The following FRMD5 variants were observed in gnomAD, a reference collection of about 807,000 sequenced individuals.
FRMD5 encodes FERM domain-containing protein 5.
FRMD5 carries 20 observed loss-of-function variants against 69.0 expected under a neutral mutation model. The observed-to-expected ratio is 0.29, with a 90% CI of 0.20 to 0.42. The LOEUF (loss-of-function observed/expected upper bound fraction) is 0.42. Among genes scored for constraint, FRMD5 ranks in the 10% least tolerant of loss-of-function variants. The pLI, the probability that FRMD5 is intolerant of heterozygous loss-of-function variation, is 1.00. For missense variants in FRMD5, 595 were observed against 708.6 expected (o/e 0.84, Z 1.82); for synonymous variants, 271 against 260.1 (o/e 1.04, Z -0.40).
chr15:43,919,294 G>A (rs539279471), intron 4 of FRMD5, 165 bp downstream of exon 4: 2 of 781,720 alleles, frequency 2.6e-6, no homozygotes, highest in South Asian at 1.4e-5. Flanking sequence ...AGGGGTACGC[G>A]AAGAAAGCAT....
intron 11 of FRMD5, chr15:43,885,125 TGTTATA>T (rs1246684310): frequency 2.6e-5 from 7 of 268,122 alleles, no homozygotes; most frequent in African/African-American, 1.5e-4. Flanking sequence ...CATGAATCAC[TGTTATA>T]GTTCTTATTT....
chr15:43,957,041 TA>T (rs2090126339), intron 1 of FRMD5, among the ~76,000 whole-genome samples: 1 of 152,206 alleles, frequency 6.6e-6, no homozygotes, highest in Non-Finnish European at 1.5e-5. Flanking sequence ...ATCATCCCTT[TA>T]AAAAACTGAT....
chr15:44,017,802 G>C (rs1891037605), intron 1 of FRMD5, among the ~76,000 whole-genome samples: 1 of 151,670 alleles, frequency 6.6e-6, no homozygotes, highest in African/African-American at 2.4e-5. Flanking sequence ...GTAGAAACAG[G>C]GTTTCACCAT....
At chr15:44,011,635 A>G (rs976373974) in intron 1 of FRMD5, among the ~76,000 whole-genome samples, 4 of 152,214 alleles carry the variant, frequency 2.6e-5, no homozygotes, top group African/African-American at 9.6e-5. Flanking sequence ...ATGCCATGAA[A>G]GTGGATGAGA....
chr15:44,081,445 T>C (rs1389718677), intron 1 of FRMD5, among the ~76,000 whole-genome samples: 1 of 152,090 alleles, frequency 6.6e-6, no homozygotes. Flanking sequence ...GGATCAACTA[T>C]TTCAGGAAAC....
chr15:44,012,324 A>G (rs1483333618), intron 1 of FRMD5, among the ~76,000 whole-genome samples: 1 of 152,202 alleles, frequency 6.6e-6, no homozygotes, highest in African/African-American at 2.4e-5. Flanking sequence ...AAACTTTTCT[A>G]AACACTCTGC....
intron 1 of FRMD5, among the ~76,000 whole-genome samples, chr15:44,034,518 A>T (rs983819922): frequency 7.2e-5 from 11 of 152,242 alleles, no homozygotes; most frequent in African/African-American, 2.7e-4. Flanking sequence ...CTTCTGCATC[A>T]GTAAATTTTG....
chr15:44,021,889 A>G (rs1891223879), intron 1 of FRMD5, among the ~76,000 whole-genome samples: 1 of 152,256 alleles, frequency 6.6e-6, no homozygotes, highest in Admixed American at 6.5e-5. Context: ...AGGTGGAAAC[A>G]ACCCAAATAT....
chr15:43,971,856 G>A (rs944728643), intron 1 of FRMD5, among the ~76,000 whole-genome samples: 7 of 148,014 alleles, frequency 4.7e-5, no homozygotes, highest in Non-Finnish European at 6.0e-5. Flanking sequence ...ACAGGCGCCC[G>A]CCACCACGCC....
At chr15:44,055,349 T>C (rs1892828708) in intron 1 of FRMD5, among the ~76,000 whole-genome samples, 1 of 152,164 alleles carries the variant, frequency 6.6e-6, no homozygotes, top group Admixed American at 6.5e-5. Context: ...AGAAAAACAC[T>C]GGAGTCTTTT....
chr15:43,959,721 T>G (rs2090167106), intron 1 of FRMD5, among the ~76,000 whole-genome samples: 1 of 152,206 alleles, frequency 6.6e-6, no homozygotes, highest in Non-Finnish European at 1.5e-5. Flanking sequence ...CCACTGACAA[T>G]ATTTTTTGTG....
At chr15:44,061,634 GTTTGACA>G (rs1204972709) in intron 1 of FRMD5, among the ~76,000 whole-genome samples, 3 of 152,186 alleles carry the variant, frequency 2.0e-5, no homozygotes, top group Non-Finnish European at 2.9e-5. Flanking sequence ...AGTCCATAAA[GTTTGACA>G]TTTGACATTT....
chr15:44,140,459 T>C (rs976109359), intron 1 of FRMD5, among the ~76,000 whole-genome samples: 1 of 152,018 alleles, frequency 6.6e-6, no homozygotes, highest in African/African-American at 2.4e-5. Context: ...TACCACCACT[T>C]CTAAACAACA....
intron 13 of FRMD5, chr15:43,876,283 G>C: frequency 7.7e-7 from 1 of 1,300,698 alleles, no homozygotes; most frequent in Non-Finnish European, 1.1e-6. Context: ...TCTGGGCCTG[G>C]TTTTTACCCC....
At chr15:43,985,535 A>C (rs983834850) in intron 1 of FRMD5, among the ~76,000 whole-genome samples, 1 of 152,142 alleles carries the variant, frequency 6.6e-6, no homozygotes, top group African/African-American at 2.4e-5. Flanking sequence ...TGGCTATAAT[A>C]TGGAGAACAT....
chr15:44,187,760 G>C (rs1053953187), intron 1 of FRMD5, among the ~76,000 whole-genome samples: 3 of 152,038 alleles, frequency 2.0e-5, no homozygotes, highest in Admixed American at 2.0e-4. Flanking sequence ...GTAGAGACAA[G>C]GTCTTGCTAT....
At chr15:44,011,473 G>A (rs889763260) in intron 1 of FRMD5, among the ~76,000 whole-genome samples, 19 of 152,184 alleles carry the variant, frequency 1.2e-4, no homozygotes, top group Admixed American at 1.0e-3. Context: ...AGAAATAGAA[G>A]AAGGTCGGAC....
At chr15:43,948,671 A>G (rs1270821330) in intron 1 of FRMD5, among the ~76,000 whole-genome samples, 4 of 152,218 alleles carry the variant, frequency 2.6e-5, no homozygotes, top group Admixed American at 2.0e-4. Context: ...CTCACTCTAT[A>G]TAAGATACCT....
chr15:44,067,079 A>G (rs1893341526), intron 1 of FRMD5, among the ~76,000 whole-genome samples: 2 of 152,150 alleles, frequency 1.3e-5, no homozygotes, highest in African/African-American at 4.8e-5. Context: ...TTTGAAAAGG[A>G]AAATTCCCGT....
Sources: gnomAD v4.1 joint callset for allele counts (sites outside exome capture counted in the v4.1 genomes callset) on GRCh38, gnomAD v4.1.1 for gene constraint, MANE v1.5 for transcripts, NCBI Gene and HGNC (gene_info 2026-07-23, HGNC 2026-07-21) for gene names.